Variants in EYS observed in about 807,000 individuals in gnomAD.
The protein encoded by EYS is EGF-like photoreceptor maintenance factor, also known as protein eyes shut homolog.
EYS carries 250 observed loss-of-function variants against 282.1 expected under a neutral mutation model. The observed-to-expected ratio is 0.89, with a 90% CI of 0.80 to 0.98. EYS has a LOEUF of 0.98. Ranked by LOEUF, EYS falls within the 50% of genes least tolerant of loss-of-function variation. The pLI is 0.00. For synonymous variants in EYS, 1,355 were observed against 1,282.9 expected, an observed-to-expected ratio of 1.06 and a Z score of -1.20; for missense variants, 4,016 against 3,709.0, an observed-to-expected ratio of 1.08 and a Z score of -2.15.
intron 13 of EYS, among the ~76,000 whole-genome samples, chr6:65,013,509 G>A (rs1301571068): frequency 6.6e-6 from 1 of 152,188 alleles, no homozygotes; most frequent in African/African-American, 2.4e-5. Context: ...GAGTCATTAT[G>A]TAAGTAGAAT....
chr6:63,798,818 G>C (rs771400343), intron 37 of EYS, among the ~76,000 whole-genome samples: 1 of 151,722 alleles, frequency 6.6e-6, no homozygotes, highest in Non-Finnish European at 1.5e-5. Flanking sequence ...CAGAAAATAT[G>C]AGGCAACCTT....
At chr6:64,744,558 T>C (rs1772489545) in intron 22 of EYS, among the ~76,000 whole-genome samples, 1 of 152,162 alleles carries the variant, frequency 6.6e-6, no homozygotes, top group African/African-American at 2.4e-5. Context: ...GACTAAAAGT[T>C]AAACAATCTG....
At chr6:64,018,125 T>TAC in intron 33 of EYS, among the ~76,000 whole-genome samples, 1 of 152,082 alleles carries the variant, frequency 6.6e-6, no homozygotes, top group East Asian at 1.9e-4. Context: ...CACACACACA[T>TAC]ACACATATAT....
chr6:64,508,673 T>A (rs1041718875), intron 26 of EYS, among the ~76,000 whole-genome samples: 2 of 151,440 alleles, frequency 1.3e-5, no homozygotes, highest in Non-Finnish European at 2.9e-5. Context: ...AGGACTCTCC[T>A]ATGCTCTTAA....
chr6:65,626,307 G>A (rs1766688893), intron 2 of EYS, among the ~76,000 whole-genome samples: 1 of 152,080 alleles, frequency 6.6e-6, no homozygotes, highest in Non-Finnish European at 1.5e-5. Flanking sequence ...CATATTTAGG[G>A]GCTAAAACAG....
At chr6:65,335,231 A>C in intron 10 of EYS, 85 bp from the exon 11 acceptor site, 2 of 903,110 alleles carry the variant, frequency 2.2e-6, no homozygotes, top group South Asian at 2.7e-5. Context: ...ATCATGATAG[A>C]TGCCTCTCTG....
At chr6:64,528,250 C>A (rs532958382) in intron 26 of EYS, among the ~76,000 whole-genome samples, 1 of 151,946 alleles carries the variant, frequency 6.6e-6, no homozygotes, top group South Asian at 2.1e-4. Context: ...TTATTCCTCC[C>A]AGAATCTCCT....
intron 26 of EYS, among the ~76,000 whole-genome samples, chr6:64,538,136 T>C (rs1764585529): frequency 6.6e-6 from 1 of 152,190 alleles, no homozygotes; most frequent in South Asian, 2.1e-4. Context: ...GAGGATGCAG[T>C]AAAAGATTAA....
At chr6:65,207,249 TA>T (rs1424622788) in intron 12 of EYS, among the ~76,000 whole-genome samples, 1 of 150,836 alleles carries the variant, frequency 6.6e-6, no homozygotes, top group African/African-American at 2.4e-5. Flanking sequence ...GAGAACCATA[TA>T]AAAAACTCAA....
At chr6:65,385,516 T>A (rs1455210679) in intron 7 of EYS, among the ~76,000 whole-genome samples, 4 of 151,958 alleles carry the variant, frequency 2.6e-5, no homozygotes, top group African/African-American at 4.8e-5. Flanking sequence ...ACCCACCATA[T>A]GCCAGTCACT....
chr6:64,159,871 A>C (rs538800792), intron 31 of EYS, among the ~76,000 whole-genome samples: 5 of 152,346 alleles, frequency 3.3e-5, no homozygotes, highest in African/African-American at 1.2e-4. Flanking sequence ...TCTAAAAGCC[A>C]GCCTTAATGC....
At chr6:64,461,329 C>T (rs1775737181) in intron 26 of EYS, among the ~76,000 whole-genome samples, 1 of 152,120 alleles carries the variant, frequency 6.6e-6, no homozygotes, top group African/African-American at 2.4e-5. Flanking sequence ...ATTACTCTTC[C>T]TGGATTATAT....
At chr6:65,667,674 T>C (rs139782378) in intron 1 of EYS, among the ~76,000 whole-genome samples, 90 of 152,064 alleles carry the variant, frequency 5.9e-4, no homozygotes, top group African/African-American at 1.9e-3. Context: ...ATCTGTTCAT[T>C]CATCTACCTC....
At chr6:65,069,417 C>T (rs1055765994) in intron 12 of EYS, among the ~76,000 whole-genome samples, 8 of 151,950 alleles carry the variant, frequency 5.3e-5, no homozygotes, top group Non-Finnish European at 1.2e-4. Context: ...TTTCCCTCTA[C>T]AGAAATTGCT....
chr6:64,373,228 T>C (rs1328756751), intron 29 of EYS, among the ~76,000 whole-genome samples: 4 of 152,128 alleles, frequency 2.6e-5, no homozygotes, highest in African/African-American at 9.7e-5. Flanking sequence ...GTCCTTTGGA[T>C]GGATTTTATT....
At chr6:64,803,686 C>T (rs1388528836) in intron 22 of EYS, among the ~76,000 whole-genome samples, 1 of 152,208 alleles carries the variant, frequency 6.6e-6, no homozygotes, top group East Asian at 1.9e-4. Context: ...CCCTTGGCCT[C>T]CCTCTTGTGT....
chr6:64,926,445 T>C (rs1768519653), intron 15 of EYS, among the ~76,000 whole-genome samples: 1 of 152,274 alleles, frequency 6.6e-6, no homozygotes, highest in Non-Finnish European at 1.5e-5. Context: ...CTGTTCCTGC[T>C]CATAGACTTC....
intron 31 of EYS, among the ~76,000 whole-genome samples, chr6:64,140,012 G>A (rs116572918): frequency 0.039 from 5,744 of 145,890 alleles, 99 homozygotes; most frequent in East Asian, 0.063. Flanking sequence ...TAAATAAATA[G>A]GATAATGGAC....
At chr6:64,942,229 T>C (rs892346685) in intron 15 of EYS, among the ~76,000 whole-genome samples, 5 of 149,740 alleles carry the variant, frequency 3.3e-5, no homozygotes, top group African/African-American at 1.2e-4. Context: ...ATTTTTTTCA[T>C]ATGTTTATGG....
Sources: gnomAD v4.1 joint callset for allele counts (sites outside exome capture counted in the v4.1 genomes callset) on GRCh38, gnomAD v4.1.1 for gene constraint, MANE v1.5 for transcripts, NCBI Gene and HGNC (gene_info 2026-07-23, HGNC 2026-07-21) for gene names.